SV2B: variants seen among roughly 807,000 people sequenced by gnomAD.
SV2B encodes the protein solute carrier family 22 member B2.
SV2B carries 41 observed loss-of-function variants against 73.9 expected under a neutral mutation model. That is an observed-to-expected ratio of 0.56 (90% CI 0.43 to 0.72). The LOEUF is 0.72. Among genes scored for constraint, SV2B ranks in the 30% least tolerant of loss-of-function variants. The probability of loss-of-function intolerance (pLI) is 0.00; values close to 1 mark genes in which losing one functional copy is unlikely to be tolerated. For synonymous variants in SV2B, 314 were observed against 314.2 expected (o/e 1.00, Z 0.01); for missense variants, 764 against 857.8 (o/e 0.89, Z 1.37).
chr15:91,216,475 T>G (rs1310211645), intron 1 of SV2B, among the ~76,000 whole-genome samples: 1 of 150,812 alleles, frequency 6.6e-6, no homozygotes, highest in African/African-American at 2.5e-5. Context: ...CTTTTTTTTT[T>G]GTTTTTTTGT....
Position 91,186,866 on chromosome 15 carries a change from AAATAAATT to A in SV2B, c.-391-38996_-391-38989del, listed in dbSNP as rs554349635. Among the ~76,000 whole-genome samples the A allele has an allele frequency of 2.5e-4, 38 of 152,036 alleles. 1 individual carries two copies. In the South Asian group the frequency reaches 7.9e-3, roughly 31 times the overall value. On this transcript the variant is annotated intron_variant, in intron 1 of 12. Coordinates refer to ENST00000394232, the MANE Select transcript of SV2B (RefSeq NM_001323032.3). Reference sequence around the variant, plus strand: ...TTGTACCCCTAAATGTATACAAATAAAATAAATTAATAAATTAAACAAGTAAGAGAATG... The same window carrying A: ...TTGTACCCCTAAATGTATACAAATAAAATAAATTAAACAAGTAAGAGAATG...
intron 1 of SV2B, among the ~76,000 whole-genome samples, chr15:91,146,391 G>A (rs887239776): frequency 6.6e-6 from 1 of 152,076 alleles, no homozygotes; most frequent in African/African-American, 2.4e-5. Flanking sequence ...GATGCCTGTG[G>A]CTTTGTTCTT....
intron 4 of SV2B, among the ~76,000 whole-genome samples, chr15:91,254,505 G>A (rs1034783675): frequency 1.3e-5 from 2 of 152,098 alleles, no homozygotes; most frequent in Admixed American, 1.3e-4. Context: ...CCAAAGTGCT[G>A]GGATTACAGA....
chr15:91,116,719 G>T (rs1349585827), intron 1 of SV2B, among the ~76,000 whole-genome samples: 1 of 152,158 alleles, frequency 6.6e-6, no homozygotes, highest in Non-Finnish European at 1.5e-5. Context: ...GGCTGTATTA[G>T]TCTGTTCTCA....
intron 1 of SV2B, among the ~76,000 whole-genome samples, chr15:91,180,576 G>C (rs1185113986): frequency 6.6e-6 from 1 of 152,148 alleles, no homozygotes; most frequent in Admixed American, 6.5e-5. Flanking sequence ...ATATTTCTTG[G>C]AGGCTTTGTT....
In SV2B at chr15:91,105,778, A is replaced by G. The variant is rs2041865045; in HGVS notation, c.-392+5415A>G. On this transcript the variant is annotated intron_variant, in intron 1 of 12. Transcript: ENST00000394232. This position sits in a 1 kb window ranked among gnomAD's most constrained non-coding sequence, Gnocchi z 5.5. ...TGGACCAGGCTGGATAGTACTTAAA[A>G]TGGTGAGAAGTTGTAATCCCAGCAT... is the stretch of plus-strand genomic sequence containing the variant. Among the ~76,000 whole-genome samples the G allele has an allele frequency of 6.6e-6, 1 of 152,122 alleles. No homozygotes were observed. Among genetic ancestry groups the G allele is most frequent in the African/African-American group, 2.4e-5 (1 of 41,432 alleles).
chr15:91,267,529 CA>C lies in SV2B; in HGVS notation c.1120-24del. 6.3e-7 allele frequency: 1 copy of C among 1,593,718 alleles called. No individual in the cohort carries two copies. Among genetic ancestry groups the C allele is most frequent in the South Asian group, 1.1e-5 (1 of 89,646 alleles). On this transcript the variant is annotated intron_variant, in intron 7 of 12. Transcript: ENST00000394232. The surrounding 1 kb of genome is among the most constrained non-coding windows in gnomAD (Gnocchi z 4.3). ...CAAAGTCACACATTGCTTTCTTTAA[CA>C]ATCCTTCTCTGGTATGGGTTGTAGG...
chr15:91,165,044 A>T (rs762817776), intron 1 of SV2B, among the ~76,000 whole-genome samples: 1 of 152,144 alleles, frequency 6.6e-6, no homozygotes, highest in Non-Finnish European at 1.5e-5. Flanking sequence ...TGGATCAAAA[A>T]ATTTTTTTTA....
At chr15:91,167,093 G>A (rs566337222) in intron 1 of SV2B, among the ~76,000 whole-genome samples, 166 of 152,224 alleles carry the variant, frequency 1.1e-3, no homozygotes, top group Non-Finnish European at 1.6e-3. Context: ...GATTACAGGC[G>A]TGAGCCACCG....
At chr15:91,270,853 A>G (rs9744305) in intron 9 of SV2B, among the ~76,000 whole-genome samples, 26,413 of 103,396 alleles carry the variant, frequency 0.26, 5,364 homozygotes, top group African/African-American at 0.55. Flanking sequence ...GGGACGGTGA[A>G]TCCTGTGGAT....
At chr15:91,249,417 A>G (rs187822894) in intron 2 of SV2B, among the ~76,000 whole-genome samples, 80 of 152,302 alleles carry the variant, frequency 5.3e-4, no homozygotes, top group African/African-American at 1.8e-3. Context: ...CTCATAGATA[A>G]TCATACATTT....
In SV2B at chr15:91,139,419, ACAG is replaced by A. The variant is rs2042937938; in HGVS notation, c.-392+39062_-392+39064del. ...CTAAATAACAACAGCCATAATATCA[ACAG>A]CAGCAAAAATACCACCCTTGAGCTA... On this transcript the variant is annotated intron_variant, in intron 1 of 12. Coordinates refer to ENST00000394232, the MANE Select transcript of SV2B (RefSeq NM_001323032.3). The surrounding 1 kb of genome is among the most constrained non-coding windows in gnomAD (Gnocchi z 5.2). Among the ~76,000 whole-genome samples, 1 of 152,236 alleles carries A rather than the reference ACAG, an allele frequency of 6.6e-6. No homozygotes were observed. The highest frequency in any genetic ancestry group is 1.5e-5 in the Non-Finnish European group (1 of 68,044).
intron 1 of SV2B, among the ~76,000 whole-genome samples, chr15:91,182,138 C>G (rs1262593039): frequency 2.0e-5 from 3 of 152,066 alleles, no homozygotes; most frequent in Non-Finnish European, 2.9e-5. Context: ...AAAATAAATG[C>G]AAGTAGGAGA....
At chr15:91,201,901 C>T (rs544792480) in intron 1 of SV2B, among the ~76,000 whole-genome samples, 1 of 152,310 alleles carries the variant, frequency 6.6e-6, no homozygotes, top group East Asian at 1.9e-4. Flanking sequence ...TAGCCTCCCA[C>T]TCCCCAACCC....
intron 1 of SV2B, among the ~76,000 whole-genome samples, chr15:91,215,855 C>T (rs959773262): frequency 6.6e-6 from 1 of 151,948 alleles, no homozygotes; most frequent in Non-Finnish European, 1.5e-5. Context: ...AATTATTGTT[C>T]TGCATTTGTA....
At chr15:91,149,734 A>G (rs537123719) in intron 1 of SV2B, among the ~76,000 whole-genome samples, 40 of 152,300 alleles carry the variant, frequency 2.6e-4, no homozygotes, top group Non-Finnish European at 5.3e-4. Flanking sequence ...GGCTCAGGGA[A>G]GGATTTGCCC....
At chr15:91,164,371 C>T (rs562906325) in intron 1 of SV2B, among the ~76,000 whole-genome samples, 4 of 152,314 alleles carry the variant, frequency 2.6e-5, no homozygotes, top group Non-Finnish European at 5.9e-5. Context: ...TACGGGACTG[C>T]TTTCAGCTCC....
At position 91,240,541 on chromosome 15, in the gene SV2B, A is replaced by G. The variant is rs1402983072; in HGVS notation, c.452-11278A>G. On this transcript the variant is annotated intron_variant, in intron 2 of 12. Coordinates refer to ENST00000394232, the MANE Select transcript of SV2B (RefSeq NM_001323032.3). The surrounding 1 kb of genome is among the most constrained non-coding windows in gnomAD (Gnocchi z 4.6). The stretch of plus-strand genomic sequence containing the variant: ...TAAAGAAAAAGGCTAAAAAACCCCA[A>G]AAAACCAAGATGGCTCTCTCTGACC... Among the ~76,000 whole-genome samples, 3 of 152,154 alleles carry G rather than the reference A, an allele frequency of 2.0e-5. No homozygotes were observed. Among genetic ancestry groups the G allele is most frequent in the African/African-American group, 7.2e-5 (3 of 41,420 alleles).
At chr15:91,194,772 G>A (rs183207736) in intron 1 of SV2B, among the ~76,000 whole-genome samples, 2 of 152,302 alleles carry the variant, frequency 1.3e-5, no homozygotes, top group East Asian at 1.9e-4. Flanking sequence ...GTGGTGGGCT[G>A]TACTACTTGA....
Sources: allele counts gnomAD v4.1 joint callset (sites outside exome capture counted in the v4.1 genomes callset), GRCh38; gene constraint gnomAD v4.1.1; non-coding constraint Gnocchi (gnomAD v3.1); transcripts MANE v1.5; gene names NCBI Gene and HGNC (gene_info 2026-07-23, HGNC 2026-07-21).